AGPAT3: variants seen among roughly 807,000 people sequenced by gnomAD.
The protein encoded by AGPAT3 is 1-acylglycerol-3-phosphate O-acyltransferase 3, also known as 1-acyl-sn-glycerol-3-phosphate acyltransferase gamma.
Under a neutral mutation model 47.3 loss-of-function variants are expected in AGPAT3, and 5 were observed. The observed-to-expected ratio is 0.11, with a 90% CI of 0.06 to 0.22. The LOEUF is 0.22. Ranked by LOEUF, AGPAT3 falls within the 10% of genes least tolerant of loss-of-function variation. The probability of loss-of-function intolerance (pLI) is 1.00; values close to 1 mark genes in which losing one functional copy is unlikely to be tolerated. For missense variants in AGPAT3, 315 were observed against 493.0 expected, an observed-to-expected ratio of 0.64 and a Z score of 3.42; for synonymous variants, 212 against 208.3, an observed-to-expected ratio of 1.02 and a Z score of -0.15.
At chr21:43,905,234 G>T (rs1307192080) in intron 2 of AGPAT3, among the ~76,000 whole-genome samples, 1 of 151,138 alleles carries the variant, frequency 6.6e-6, no homozygotes, top group Non-Finnish European at 1.5e-5. Flanking sequence ...CTGTCGCCCG[G>T]GCTGGAGTGC....
intron 1 of AGPAT3, among the ~76,000 whole-genome samples, chr21:43,884,512 C>T (rs1461777090): frequency 6.6e-6 from 1 of 152,170 alleles, no homozygotes; most frequent in Non-Finnish European, 1.5e-5. Flanking sequence ...TGTGCTATTG[C>T]GGGACATGGG....
rs2087460890 is a variant in AGPAT3, at chr21:43,936,738, G to A, written c.-48-22896G>A. On this transcript the variant is annotated intron_variant, in intron 2 of 9. Transcript: ENST00000291572. ...CGCAGCTCTTGGATGGAGGCGCAGA[G>A]GCCTAGTGCTTCTGAGTGGAGCCAT... Among the ~76,000 whole-genome samples, 4 of 152,252 alleles carry A rather than the reference G, an allele frequency of 2.6e-5. No homozygotes were observed. In the South Asian group the frequency reaches 8.3e-4, roughly 32 times the overall value.
chr21:43,939,807 C>T lies in AGPAT3; in HGVS notation c.-48-19827C>T, dbSNP rs2087593047. ...ATGTGGGCACTCTTAGGTCCCTGGT[C>T]CTAGGGGTCTGTGCTGGGGTGGGGC... On this transcript the variant is annotated intron_variant, in intron 2 of 9. Transcript: ENST00000291572. This position sits in a 1 kb window ranked among gnomAD's most constrained non-coding sequence, Gnocchi z 4.4. 6.6e-6 allele frequency among the ~76,000 whole-genome samples: 1 copy of T among 152,196 alleles called. No homozygotes were observed. The highest frequency in any genetic ancestry group is 1.5e-5 in the Non-Finnish European group (1 of 68,032).
chr21:43,876,141 CT>C (rs562680418), intron 1 of AGPAT3, among the ~76,000 whole-genome samples: 126 of 152,018 alleles, frequency 8.3e-4, no homozygotes, highest in Non-Finnish European at 1.5e-3. Context: ...TGAAAGTTCT[CT>C]TTGTTTTTTT....
rs73226950 is a variant in AGPAT3 at position 43,955,183 on chromosome 21, C to T, written c.-48-4451C>T. 2.5e-3 allele frequency: 3,194 copies of T among 1,268,178 alleles called. 13 individuals carry two copies. Among genetic ancestry groups the T allele is most frequent in the Non-Finnish European group, 3.1e-3 (3,029 of 975,618 alleles). 78.6% of individuals were successfully genotyped at this position (1,268,178 alleles called of 1,614,324 possible). A position where few individuals can be genotyped will look rare whatever the true frequency, so the allele number is the denominator to read the frequency against. ...TGTCCCGGGGCCGTCTCAGAAGCAC[C>T]GCGCTGGACCGGCTGGGCCAGATGC... On this transcript the variant is annotated intron_variant, in intron 2 of 9. Coordinates refer to ENST00000291572, the MANE Select transcript of AGPAT3 (RefSeq NM_020132.5). This position sits in a 1 kb window ranked among gnomAD's most constrained non-coding sequence, Gnocchi z 4.1.
rs1178840659 is a variant in AGPAT3, at chr21:43,981,923, T to A, written c.1043-381T>A. On this transcript the variant is annotated intron_variant, in intron 9 of 9. Coordinates refer to ENST00000291572, the MANE Select transcript of AGPAT3 (RefSeq NM_020132.5). This position sits in a 1 kb window ranked among gnomAD's most constrained non-coding sequence, Gnocchi z 5.3. ...GAGGCCACCCACAGAGGACAGGATG[T>A]GACCTGCTTACATCCGAGGGTCCTG... is the stretch of plus-strand genomic sequence containing the variant. 6.6e-6 allele frequency among the ~76,000 whole-genome samples: 1 copy of A among 152,188 alleles called. No individual in the cohort carries two copies. Among genetic ancestry groups the A allele is most frequent in the East Asian group, 1.9e-4 (1 of 5,190 alleles).
rs1197740817 is a variant in AGPAT3 at position 43,986,994 on chromosome 21, G to A, written c.*4602G>A. Among the ~76,000 whole-genome samples, 1 of 152,252 alleles carries A rather than the reference G, an allele frequency of 6.6e-6. No homozygotes were observed. Among genetic ancestry groups the A allele is most frequent in the Non-Finnish European group, 1.5e-5 (1 of 68,046 alleles). On this transcript the variant is annotated 3_prime_UTR_variant, in exon 10 of 10. Transcript: ENST00000291572. ...AAGGCCTGGCTGCGTTTGCCGTGCT[G>A]TGCGAGGACCTGTGTACACAGGCAG...
chr21:43,953,083 T>C (rs958213500), intron 2 of AGPAT3, among the ~76,000 whole-genome samples: 2 of 152,156 alleles, frequency 1.3e-5, no homozygotes, highest in African/African-American at 4.8e-5. Context: ...ACCAGAAATG[T>C]TGAACCCGAG....
chr21:43,973,835 C>T (rs534962929), intron 7 of AGPAT3, among the ~76,000 whole-genome samples: 32 of 152,294 alleles, frequency 2.1e-4, no homozygotes, highest in South Asian at 4.1e-4. Context: ...GTGTGCAGGA[C>T]GGCTGCAGGG....
Position 43,939,301 on chromosome 21 carries a change from A to C in AGPAT3, c.-48-20333A>C, listed in dbSNP as rs2087567839. 6.6e-6 allele frequency among the ~76,000 whole-genome samples: 1 copy of C among 151,836 alleles called. No individual in the cohort carries two copies. Among genetic ancestry groups the C allele is most frequent in the African/African-American group, 2.4e-5 (1 of 41,326 alleles). ...GGCCTCTAGCGGGCGCTCCCTTGAT[A>C]ACACCCCACCCCCGTCGCTGTTGTT... On this transcript the variant is annotated intron_variant, in intron 2 of 9. Coordinates refer to ENST00000291572, the MANE Select transcript of AGPAT3 (RefSeq NM_020132.5). This position sits in a 1 kb window ranked among gnomAD's most constrained non-coding sequence, Gnocchi z 4.4.
chr21:43,872,036 C>T (rs1292942050), intron 1 of AGPAT3, among the ~76,000 whole-genome samples: 2 of 152,154 alleles, frequency 1.3e-5, no homozygotes, highest in African/African-American at 4.8e-5. Flanking sequence ...TGCTTAAGCC[C>T]TTTATCTCTC....
chr21:43,883,243 C>T (rs527443644), intron 1 of AGPAT3, among the ~76,000 whole-genome samples: 5 of 152,322 alleles, frequency 3.3e-5, no homozygotes, highest in African/African-American at 1.2e-4. Context: ...CCTCAAGGGC[C>T]TCATGGCCTG....
At chr21:43,879,172 A>C (rs979254055) in intron 1 of AGPAT3, among the ~76,000 whole-genome samples, 4 of 152,004 alleles carry the variant, frequency 2.6e-5, no homozygotes, top group Non-Finnish European at 5.9e-5. Flanking sequence ...CAACATAGCA[A>C]AACCCTGTCT....
intron 2 of AGPAT3, among the ~76,000 whole-genome samples, chr21:43,911,657 A>T (rs2086635764): frequency 6.6e-6 from 1 of 151,906 alleles, no homozygotes; most frequent in Non-Finnish European, 1.5e-5. Flanking sequence ...CTCCTTTTCC[A>T]CTCTGGAGCT....
At chr21:43,980,301 A>C (rs1174562115) in intron 8 of AGPAT3, among the ~76,000 whole-genome samples, 4 of 150,534 alleles carry the variant, frequency 2.7e-5, no homozygotes, top group African/African-American at 7.4e-5. Context: ...ACAAAAAAAA[A>C]CGAGAGAGTT....
chr21:43,865,726 C>T, intron 1 of AGPAT3, among the ~76,000 whole-genome samples: 1 of 151,600 alleles, frequency 6.6e-6, no homozygotes, highest in Admixed American at 6.6e-5. Flanking sequence ...GAGTGGGTTC[C>T]CGCGGGGACG....
rs146991617 is a variant in AGPAT3, at chr21:43,895,485, C to A, written c.-111-8472C>A. ...CTCCCCTTAGGAACTGTTTAGGCTGCGTCAGCCTATATGTAGTGACAGGAT... is the reference window on the plus strand; with the variant it reads ...CTCCCCTTAGGAACTGTTTAGGCTGAGTCAGCCTATATGTAGTGACAGGAT... On this transcript the variant is annotated intron_variant, in intron 1 of 9. Coordinates refer to ENST00000291572, the MANE Select transcript of AGPAT3 (RefSeq NM_020132.5). Among the ~76,000 whole-genome samples, 375 of 149,232 alleles carry A rather than the reference C, an allele frequency of 2.5e-3. 6 individuals are homozygous for A. The highest frequency in any genetic ancestry group is 8.0e-4 in the Non-Finnish European group (54 of 67,570).
At chr21:43,958,812 G>C (rs1194947029) in intron 2 of AGPAT3, among the ~76,000 whole-genome samples, 2 of 144,678 alleles carry the variant, frequency 1.4e-5, no homozygotes, top group African/African-American at 5.2e-5. Context: ...AGTGTGTGTA[G>C]TGTGTGTGGT....
At chr21:43,902,156 A>C (rs1383982861) in intron 1 of AGPAT3, among the ~76,000 whole-genome samples, 2 of 152,228 alleles carry the variant, frequency 1.3e-5, no homozygotes, top group Non-Finnish European at 2.9e-5. Context: ...GACAGAGGCA[A>C]ATGCTATCAC....
Sources: gnomAD v4.1 joint callset for allele counts (sites outside exome capture counted in the v4.1 genomes callset) on GRCh38, gnomAD v4.1.1 for gene constraint, Gnocchi (gnomAD v3.1) non-coding constraint, MANE v1.5 for transcripts, NCBI Gene and HGNC (gene_info 2026-07-23, HGNC 2026-07-21) for gene names.